Variants in ZFAT observed in about 807,000 individuals in gnomAD.
ZFAT encodes the protein zinc finger protein ZFAT.
A neutral mutation model predicts 117.7 loss-of-function variants in ZFAT; 64 were observed. That is an observed-to-expected ratio of 0.54 (90% CI 0.44 to 0.67). The LOEUF (loss-of-function observed/expected upper bound fraction) is 0.67, where lower values mean the gene tolerates loss of function less well. ZFAT is among the 30% of genes least tolerant of loss of function. The probability of loss-of-function intolerance (pLI) is 0.00; values close to 1 mark genes in which losing one functional copy is unlikely to be tolerated. For missense variants in ZFAT, 1,433 were observed against 1,584.5 expected (o/e 0.90, Z 1.62); for synonymous variants, 679 against 615.0 (o/e 1.10, Z -1.54).
intron 3 of ZFAT, among the ~76,000 whole-genome samples, chr8:134,611,608 A>G (rs575628543): frequency 6.6e-6 from 1 of 152,238 alleles, no homozygotes; most frequent in South Asian, 2.1e-4. Context: ...AGGAGGCTCA[A>G]GTTCCCACAG....
At chr8:134,591,834 C>G (rs564176603) in intron 7 of ZFAT, among the ~76,000 whole-genome samples, 3 of 152,174 alleles carry the variant, frequency 2.0e-5, no homozygotes, top group Non-Finnish European at 2.9e-5. Flanking sequence ...CATCCTCCCC[C>G]ACAGCCCTCA....
chr8:134,789,171 T>C, the ZFAT span, among the ~76,000 whole-genome samples: 1 of 152,202 alleles, frequency 6.6e-6, no homozygotes, highest in Non-Finnish European at 1.5e-5. Context: ...TCTATTAGCC[T>C]TTTAGTGCTT....
At chr8:134,616,194 C>T (rs1044542360) in intron 3 of ZFAT, among the ~76,000 whole-genome samples, 1 of 152,228 alleles carries the variant, frequency 6.6e-6, no homozygotes, top group Admixed American at 6.5e-5. Context: ...TCTCAACAGC[C>T]ACATGACTGT....
At chr8:134,526,237 A>C (rs1050271693) in intron 12 of ZFAT, among the ~76,000 whole-genome samples, 2 of 152,244 alleles carry the variant, frequency 1.3e-5, no homozygotes, top group Non-Finnish European at 2.9e-5. Flanking sequence ...ATTAAACTTA[A>C]TATGATAATG....
chr8:134,673,987 G>A (rs184709765), intron 1 of ZFAT, among the ~76,000 whole-genome samples: 4 of 152,314 alleles, frequency 2.6e-5, no homozygotes, highest in East Asian at 1.9e-4. Context: ...CAAGATGGCC[G>A]AATAGGAACA....
intron 12 of ZFAT, among the ~76,000 whole-genome samples, chr8:134,527,102 G>A (rs1821079872): frequency 6.6e-6 from 1 of 152,172 alleles, no homozygotes; most frequent in Non-Finnish European, 1.5e-5. Flanking sequence ...AGAGGGCACA[G>A]AGATGCAATC....
At chr8:134,701,584 A>G (rs1212325997) in intron 1 of ZFAT, among the ~76,000 whole-genome samples, 1 of 152,226 alleles carries the variant, frequency 6.6e-6, no homozygotes, top group African/African-American at 2.4e-5. Context: ...AGAGATTTCC[A>G]TACTGTTTTC....
Position 134,599,310 on chromosome 8 carries a change from T to TGC in ZFAT, c.2475+1124_2475+1125dup, listed in dbSNP as rs1156744559. ...AGTACTGTACATATGTGTGTGTGTG[T>TGC]GCGCGCGCATGCATATAAGTGTATG... On this transcript the variant is annotated intron_variant, in intron 7 of 15. Coordinates refer to ENST00000377838, the MANE Select transcript of ZFAT (RefSeq NM_020863.4). The TGC allele has an allele frequency of 2.5e-4, 40 of 160,852 alleles. No homozygotes were observed. In the East Asian group the frequency reaches 6.0e-3, roughly 24 times the overall value. The allele number at this position is 160,852 out of a possible 1,614,324, so 10.0% of individuals were successfully genotyped here. A position where few individuals can be genotyped will look rare whatever the true frequency, so the allele number is the denominator to read the frequency against.
chr8:134,795,660 T>C, the ZFAT span: 25 of 152,320 alleles, frequency 1.6e-4, no homozygotes, highest in East Asian at 3.9e-4. Flanking sequence ...GAACAGATAA[T>C]AGATTGGGAC....
rs1223884320 is a variant in ZFAT, at chr8:134,599,858, A to G, written c.2475+578T>C. ...CATTGTGTTACAAGATCCTCCACCA[A>G]AGACCTAAAGAAATTTACCTTTGTG... On this transcript the variant is annotated intron_variant, in intron 7 of 15. Coordinates refer to ENST00000377838, the MANE Select transcript of ZFAT (RefSeq NM_020863.4). 1.1e-5 allele frequency: 5 copies of G among 444,076 alleles called. No homozygotes were observed. The East Asian group carries it at 2.8e-4, about 25-fold the overall frequency. The allele number at this position is 444,076 out of a possible 1,614,324, so 27.5% of individuals were successfully genotyped here. A position where few individuals can be genotyped will look rare whatever the true frequency, so the allele number is the denominator to read the frequency against.
At chr8:134,821,895 TAAC>T in the ZFAT span, among the ~76,000 whole-genome samples, 2 of 151,990 alleles carry the variant, frequency 1.3e-5, no homozygotes, top group Non-Finnish European at 1.5e-5. Flanking sequence ...TCTAATTAAA[TAAC>T]AACAACAAGG....
chr8:134,764,600 C>T, the ZFAT span, among the ~76,000 whole-genome samples: 1 of 152,224 alleles, frequency 6.6e-6, no homozygotes, highest in Admixed American at 6.5e-5. Flanking sequence ...TTGAATGTGG[C>T]TCACTGATAT....
At chr8:134,593,803 C>G (rs566607516) in intron 7 of ZFAT, among the ~76,000 whole-genome samples, 1 of 152,362 alleles carries the variant, frequency 6.6e-6, no homozygotes, top group South Asian at 2.1e-4. Flanking sequence ...CCTCCATGGA[C>G]TCACTCATTC....
At position 134,711,808 on chromosome 8, in the gene ZFAT, TCCTTG is replaced by T. The variant is rs533248435; in HGVS notation, c.19+1032_19+1036del. On this transcript the variant is annotated intron_variant, in intron 1 of 15. Transcript: ENST00000377838. ...ACCCCTGCCTGGCGTGCAGAGGGGA[TCCTTG>T]CAAAGCTGTTATTTGAACTAAAGTC... Among the ~76,000 whole-genome samples, 678 of 152,162 alleles carry T rather than the reference TCCTTG, an allele frequency of 4.5e-3. 4 individuals are homozygous for T. Among genetic ancestry groups the T allele is most frequent in the Non-Finnish European group, 7.2e-3 (492 of 68,008 alleles).
At chr8:134,571,725 T>C (rs1824924311) in intron 10 of ZFAT, among the ~76,000 whole-genome samples, 3 of 152,212 alleles carry the variant, frequency 2.0e-5, no homozygotes, top group African/African-American at 7.2e-5. Context: ...ATTAACTCAT[T>C]TAACTGTCAC....
chr8:134,541,094 A>G (rs1404602142), intron 11 of ZFAT, among the ~76,000 whole-genome samples: 2 of 152,176 alleles, frequency 1.3e-5, no homozygotes, highest in Non-Finnish European at 2.9e-5. Context: ...ACTTGACCTT[A>G]AGGGAAATCT....
intron 3 of ZFAT, among the ~76,000 whole-genome samples, chr8:134,630,083 C>A (rs1171045420): frequency 6.6e-6 from 1 of 152,188 alleles, no homozygotes; most frequent in Non-Finnish European, 1.5e-5. Flanking sequence ...TCAGGTGTAA[C>A]CAGGTCTCCC....
chr8:134,661,013 G>A (rs767149640), intron 1 of ZFAT, among the ~76,000 whole-genome samples: 26 of 152,350 alleles, frequency 1.7e-4, no homozygotes, highest in Admixed American at 5.9e-4. Flanking sequence ...CGAGGTGGAG[G>A]CAGAGACAAA....
chr8:134,685,821 G>A (rs1403333432), intron 1 of ZFAT, among the ~76,000 whole-genome samples: 2 of 152,182 alleles, frequency 1.3e-5, no homozygotes, highest in Non-Finnish European at 1.5e-5. Flanking sequence ...AAAAAACATG[G>A]CTAGTATTTA....
Sources: allele counts gnomAD v4.1 joint callset (sites outside exome capture counted in the v4.1 genomes callset), GRCh38; gene constraint gnomAD v4.1.1; transcripts MANE v1.5; gene names NCBI Gene and HGNC (gene_info 2026-07-23, HGNC 2026-07-21).